The following FCHSD2 variants were observed in gnomAD, a reference collection of about 807,000 sequenced individuals.
FCHSD2 encodes the protein F-BAR and double SH3 domains protein 2.
A neutral mutation model predicts 108.1 loss-of-function variants in FCHSD2; 38 were observed. The ratio of observed to expected loss-of-function variants is 0.35; its 90% confidence interval spans 0.27 to 0.46. The LOEUF (loss-of-function observed/expected upper bound fraction) is 0.46, where lower values mean the gene tolerates loss of function less well. FCHSD2 is among the 20% of genes least tolerant of loss of function. The pLI, the probability that FCHSD2 is intolerant of heterozygous loss-of-function variation, is 1.00. For synonymous variants in FCHSD2, 279 were observed against 314.7 expected (o/e 0.89, Z 1.20); for missense variants, 751 against 897.8 (o/e 0.84, Z 2.09).
At chr11:72,866,206 A>G (rs778231382) in intron 13 of FCHSD2, among the ~76,000 whole-genome samples, 5 of 152,178 alleles carry the variant, frequency 3.3e-5, no homozygotes, top group Admixed American at 3.3e-4. Context: ...TGACTTTTAG[A>G]AAGTGCAATA....
At chr11:73,102,204 G>A (rs1860241526) in intron 2 of FCHSD2, among the ~76,000 whole-genome samples, 3 of 152,126 alleles carry the variant, frequency 2.0e-5, no homozygotes, top group Admixed American at 1.3e-4. Flanking sequence ...AATGACTAAA[G>A]TTAAGAAAAT....
intron 10 of FCHSD2, among the ~76,000 whole-genome samples, chr11:72,893,398 C>G (rs998180379): frequency 3.3e-5 from 5 of 152,164 alleles, no homozygotes; most frequent in Admixed American, 6.5e-5. Context: ...TCACTGCAGC[C>G]TTGACCTCCC....
At chr11:72,912,238 G>A (rs371820427) in intron 9 of FCHSD2, among the ~76,000 whole-genome samples, 70 of 152,262 alleles carry the variant, frequency 4.6e-4, no homozygotes, top group African/African-American at 8.2e-4. Context: ...TAGAGGAAAC[G>A]CATTCAGTTT....
At chr11:73,071,463 G>A (rs958147734) in intron 3 of FCHSD2, among the ~76,000 whole-genome samples, 4 of 151,868 alleles carry the variant, frequency 2.6e-5, no homozygotes, top group East Asian at 1.9e-4. Context: ...AGGTCGAGGC[G>A]GGCAGATCAC....
At chr11:73,078,099 C>A (rs146674345) in intron 3 of FCHSD2, among the ~76,000 whole-genome samples, 1 of 152,012 alleles carries the variant, frequency 6.6e-6, no homozygotes, top group East Asian at 1.9e-4. Flanking sequence ...CTTCTCTGTA[C>A]GTATATGTCA....
chr11:73,108,376 G>A (rs188925524), intron 2 of FCHSD2, among the ~76,000 whole-genome samples: 1 of 152,296 alleles, frequency 6.6e-6, no homozygotes, highest in East Asian at 1.9e-4. Flanking sequence ...TTTGTTGATT[G>A]TTTCCTTTGC....
chr11:72,857,586 G>A (rs981161679), intron 13 of FCHSD2, among the ~76,000 whole-genome samples: 3 of 150,640 alleles, frequency 2.0e-5, no homozygotes, highest in Non-Finnish European at 3.0e-5. Context: ...CTACAGGTGT[G>A]TGCCACCATG....
At chr11:72,955,147 C>T (rs185050390) in intron 8 of FCHSD2, among the ~76,000 whole-genome samples, 1 of 152,264 alleles carries the variant, frequency 6.6e-6, no homozygotes, top group Admixed American at 6.5e-5. Flanking sequence ...ACTTCAGATG[C>T]TAATTGGAAG....
intron 3 of FCHSD2, among the ~76,000 whole-genome samples, chr11:73,030,231 T>A (rs1400149921): frequency 6.6e-6 from 1 of 152,156 alleles, no homozygotes; most frequent in Non-Finnish European, 1.5e-5. Flanking sequence ...CAGTATCTTG[T>A]CCAAAAGTCA....
chr11:72,941,967 A>C (rs538625295), intron 8 of FCHSD2, among the ~76,000 whole-genome samples: 1 of 152,386 alleles, frequency 6.6e-6, no homozygotes, highest in Non-Finnish European at 1.5e-5. Flanking sequence ...TATTAATATG[A>C]TCAAATACTA....
At chr11:72,978,891 C>T (rs559290845) in intron 8 of FCHSD2, among the ~76,000 whole-genome samples, 1 of 134,374 alleles carries the variant, frequency 7.4e-6, no homozygotes, top group African/African-American at 2.8e-5. Flanking sequence ...AAGTCTCACT[C>T]TGTCACCCAG....
At chr11:73,061,301 G>A (rs540211056) in intron 3 of FCHSD2, among the ~76,000 whole-genome samples, 46 of 152,334 alleles carry the variant, frequency 3.0e-4, no homozygotes, top group African/African-American at 9.1e-4. Context: ...CATGGTTTTC[G>A]CAAACTGCAG....
rs1348833131 is a variant in FCHSD2, at chr11:73,142,023, C to G, written c.-146G>C. On this transcript the variant is annotated 5_prime_UTR_variant, in exon 1 of 20. Coordinates refer to ENST00000409418, the MANE Select transcript of FCHSD2 (RefSeq NM_014824.3). Reference sequence around the variant, plus strand: ...GAAGCAAGACTTGCCCCGGAGGGAGCAGGCCAGCGGGCGGCAGGCGGACCC... The same window carrying G: ...GAAGCAAGACTTGCCCCGGAGGGAGGAGGCCAGCGGGCGGCAGGCGGACCC... The G allele has an allele frequency of 1.1e-5, 8 of 741,918 alleles. No homozygotes were observed. The highest frequency in any genetic ancestry group is 1.8e-5 in the African/African-American group (1 of 55,370). 46.0% of individuals were successfully genotyped at this position (741,918 alleles called of 1,614,324 possible). A position where few individuals can be genotyped will look rare whatever the true frequency, so the allele number is the denominator to read the frequency against.
intron 2 of FCHSD2, among the ~76,000 whole-genome samples, chr11:73,084,178 T>C (rs578173534): frequency 3.3e-5 from 5 of 152,336 alleles, no homozygotes; most frequent in Admixed American, 1.3e-4. Flanking sequence ...TTACTGGACT[T>C]AACCAATGTA....
chr11:73,118,114 C>T (rs1038388752), intron 2 of FCHSD2, among the ~76,000 whole-genome samples: 13 of 152,200 alleles, frequency 8.5e-5, no homozygotes, highest in African/African-American at 2.4e-4. Flanking sequence ...GTCACGCATT[C>T]CCGAGACCAG....
intron 3 of FCHSD2, among the ~76,000 whole-genome samples, chr11:73,055,283 G>A (rs1167628101): frequency 3.3e-5 from 5 of 151,414 alleles, no homozygotes; most frequent in South Asian, 4.2e-4. Flanking sequence ...CAGCCAAACC[G>A]TATTAGCCAT....
At chr11:73,118,941 C>A (rs1370707964) in intron 2 of FCHSD2, among the ~76,000 whole-genome samples, 1 of 152,186 alleles carries the variant, frequency 6.6e-6, no homozygotes. Context: ...ATCAATTCCA[C>A]AGAATTATTT....
At chr11:73,070,183 T>C (rs778511633) in intron 3 of FCHSD2, among the ~76,000 whole-genome samples, 1 of 152,198 alleles carries the variant, frequency 6.6e-6, no homozygotes, top group Non-Finnish European at 1.5e-5. Flanking sequence ...ATTAATGACA[T>C]GGAAAGCAAT....
intron 13 of FCHSD2, among the ~76,000 whole-genome samples, chr11:72,865,513 G>C (rs571621850): frequency 1.3e-5 from 2 of 152,250 alleles, no homozygotes; most frequent in Admixed American, 1.3e-4. Flanking sequence ...TCTCTGGACA[G>C]GTCTCAAAAA....
Sources: gnomAD v4.1 joint callset for allele counts (sites outside exome capture counted in the v4.1 genomes callset) on GRCh38, gnomAD v4.1.1 for gene constraint, MANE v1.5 for transcripts, NCBI Gene and HGNC (gene_info 2026-07-23, HGNC 2026-07-21) for gene names.